The following TBC1D8 variants were observed in gnomAD, a reference collection of about 807,000 sequenced individuals.
TBC1D8 encodes BUB2-like protein 1.
In TBC1D8, 65 loss-of-function variants were observed where a neutral mutation model predicts 118.8. The ratio of observed to expected loss-of-function variants is 0.55; its 90% CI spans 0.45 to 0.67. The LOEUF (loss-of-function observed/expected upper bound fraction) is 0.67. Among genes scored for constraint, TBC1D8 ranks in the 30% least tolerant of loss-of-function variants. The pLI, the probability that TBC1D8 is intolerant of heterozygous loss-of-function variation, is 0.00. For missense variants in TBC1D8, 1,376 were observed against 1,471.2 expected, an observed-to-expected ratio of 0.94 and a Z score of 1.06; for synonymous variants, 566 against 595.8, an observed-to-expected ratio of 0.95 and a Z score of 0.73.
chr2:101,115,835 C>T (rs1233676297), intron 1 of TBC1D8, among the ~76,000 whole-genome samples: 1 of 152,004 alleles, frequency 6.6e-6, no homozygotes, highest in Non-Finnish European at 1.5e-5. Context: ...AGTGATGGAA[C>T]CGGACCATCA....
chr2:101,144,435 A>G (rs528832581), intron 1 of TBC1D8, among the ~76,000 whole-genome samples: 1 of 152,254 alleles, frequency 6.6e-6, no homozygotes, highest in East Asian at 1.9e-4. Context: ...CCTGGGAGAG[A>G]AAAGTGCCAA....
chr2:101,039,389 G>A (rs1237230373), intron 6 of TBC1D8, among the ~76,000 whole-genome samples: 1 of 152,196 alleles, frequency 6.6e-6, no homozygotes, highest in Non-Finnish European at 1.5e-5. Flanking sequence ...GAGGCCAAGT[G>A]GGAGGATCGA....
rs139859571 is a variant in TBC1D8, at chr2:101,043,951, CA to C, written c.873-3567del. On this transcript the variant is annotated intron_variant, in intron 5 of 19. Transcript: ENST00000409318. The stretch of plus-strand genomic sequence containing the variant: ...GCAAAAGTCTGTCTCAAAAAACAAA[CA>C]AAAAAAAAAGAATAAGGTGCTCCCG... 2.0e-3 allele frequency among the ~76,000 whole-genome samples: 294 copies of C among 147,308 alleles called. 1 individual carries two copies. The highest frequency in any genetic ancestry group is 6.3e-3 in the African/African-American group (254 of 40,230).
At chr2:101,110,040 C>T in intron 1 of TBC1D8, 1 of 983,800 alleles carries the variant, frequency 1.0e-6, no homozygotes, top group Non-Finnish European at 1.2e-6. Flanking sequence ...CACAACACTC[C>T]TATTTTTAGG....
chr2:101,078,381 C>T (rs1333873618), intron 2 of TBC1D8, among the ~76,000 whole-genome samples: 1 of 152,114 alleles, frequency 6.6e-6, no homozygotes, highest in African/African-American at 2.4e-5. Flanking sequence ...AAACCCAGAT[C>T]TATGAAGATT....
At chr2:101,091,173 T>C (rs1014824064) in intron 1 of TBC1D8, among the ~76,000 whole-genome samples, 3 of 152,034 alleles carry the variant, frequency 2.0e-5, no homozygotes, top group African/African-American at 7.2e-5. Context: ...TAATCCCAGC[T>C]ACTCGGGAGG....
intron 1 of TBC1D8, among the ~76,000 whole-genome samples, chr2:101,096,437 A>AC (rs1676438287): frequency 6.6e-6 from 1 of 150,550 alleles, no homozygotes; most frequent in Admixed American, 6.6e-5. Flanking sequence ...AAAAAAAAAA[A>AC]AAAAAAAAAA....
chr2:101,053,847 C>G (rs1351049551), intron 4 of TBC1D8, among the ~76,000 whole-genome samples: 1 of 152,178 alleles, frequency 6.6e-6, no homozygotes, highest in Non-Finnish European at 1.5e-5. Flanking sequence ...GTTTTCTAAA[C>G]AACTTACAGT....
chr2:101,088,302 T>C (rs1425818094), intron 2 of TBC1D8, among the ~76,000 whole-genome samples: 3 of 152,152 alleles, frequency 2.0e-5, no homozygotes, highest in African/African-American at 7.2e-5. Flanking sequence ...CTTTTCTTTT[T>C]TTTTTCCTTT....
At chr2:101,072,791 C>T (rs1478288510) in intron 2 of TBC1D8, among the ~76,000 whole-genome samples, 1 of 152,088 alleles carries the variant, frequency 6.6e-6, no homozygotes, top group Non-Finnish European at 1.5e-5. Flanking sequence ...TCCTAACAGG[C>T]CACAAATTGG....
chr2:101,022,796 T>C (rs1350158177), intron 15 of TBC1D8, among the ~76,000 whole-genome samples: 1 of 152,202 alleles, frequency 6.6e-6, no homozygotes, highest in East Asian at 1.9e-4. Flanking sequence ...TCAGCTAACA[T>C]AGTTTTCATT....
At chr2:101,034,174 G>T (rs911483490) in intron 9 of TBC1D8, among the ~76,000 whole-genome samples, 1 of 152,068 alleles carries the variant, frequency 6.6e-6, no homozygotes, top group African/African-American at 2.4e-5. Flanking sequence ...CTGCCATGTA[G>T]CCTAGTCAAA....
At chr2:101,059,239 A>G (rs1274805056) in intron 3 of TBC1D8, among the ~76,000 whole-genome samples, 182 bp downstream of exon 3, 4 of 143,330 alleles carry the variant, frequency 2.8e-5, no homozygotes, top group African/African-American at 1.0e-4. Context: ...TTAACATGTC[A>G]GGTGTATTTT....
intron 1 of TBC1D8, among the ~76,000 whole-genome samples, chr2:101,129,747 TACAA>T (rs1158847153): frequency 6.6e-6 from 1 of 151,456 alleles, no homozygotes; most frequent in Non-Finnish European, 1.5e-5. Flanking sequence ...CTACTAAAAA[TACAA>T]ACAATTAGCT....
chr2:101,074,400 A>C (rs1162651785), intron 2 of TBC1D8, among the ~76,000 whole-genome samples: 2 of 152,242 alleles, frequency 1.3e-5, no homozygotes, highest in Admixed American at 1.3e-4. Context: ...ACTACTGAAA[A>C]TATTACCAAA....
Position 101,018,219 on chromosome 2 carries a change from C to T in TBC1D8, c.2827+3462G>A, listed in dbSNP as rs907005449. 5 of 276,102 alleles carry T rather than the reference C, an allele frequency of 1.8e-5. No homozygotes were observed. In the East Asian group the frequency reaches 3.3e-4, roughly 18 times the overall value. The allele number at this position is 276,102 out of a possible 1,614,324, so 17.1% of individuals were successfully genotyped here. A position where few individuals can be genotyped will look rare whatever the true frequency, so the allele number is the denominator to read the frequency against. On this transcript the variant is annotated intron_variant, in intron 17 of 19. Transcript: ENST00000409318. ...AAATTATAACACTGACTAAACATCA[C>T]TAATGAAACATTTGTGACCTCCTTT...
chr2:101,074,002 C>T (rs1674644925), intron 2 of TBC1D8, among the ~76,000 whole-genome samples: 1 of 152,218 alleles, frequency 6.6e-6, no homozygotes, highest in African/African-American at 2.4e-5. Context: ...AGAACTTTAC[C>T]TTTGCATTCA....
At position 101,040,524 on chromosome 2, in the gene TBC1D8, C is replaced by T. The variant is rs559356238; in HGVS notation, c.873-139G>A. 20 of 839,072 alleles carry T rather than the reference C, an allele frequency of 2.4e-5. No individual in the cohort carries two copies. The South Asian group carries it at 3.5e-4, about 15-fold the overall frequency. 52.0% of individuals were successfully genotyped at this position (839,072 alleles called of 1,614,324 possible). A position where few individuals can be genotyped will look rare whatever the true frequency, so the allele number is the denominator to read the frequency against. ...TCGCTCTGTCGCCCAGGATGGAGTG[C>T]AGTGGTGCGAGCTCAGCTCACTGCA... On this transcript the variant is annotated intron_variant, in intron 5 of 19. Transcript: ENST00000409318.
At chr2:101,054,493 C>T (rs11675224) in intron 3 of TBC1D8, among the ~76,000 whole-genome samples, 157 bp from the exon 4 acceptor site, 37,990 of 150,970 alleles carry the variant, frequency 0.25, 5,667 homozygotes, top group Middle Eastern at 0.34. Context: ...ATGGCTCAGC[C>T]GTGTCATCCG....
Sources: gnomAD v4.1 joint callset for allele counts (sites outside exome capture counted in the v4.1 genomes callset) on GRCh38, gnomAD v4.1.1 for gene constraint, MANE v1.5 for transcripts, NCBI Gene and HGNC (gene_info 2026-07-23, HGNC 2026-07-21) for gene names.